The following TMCC2 variants were observed in gnomAD, a reference collection of about 807,000 sequenced individuals.
The protein encoded by TMCC2 is transmembrane and coiled-coil domain family 2.
A neutral mutation model predicts 49.4 loss-of-function variants in TMCC2; 16 were observed. The observed-to-expected ratio is 0.32, with a 90% CI of 0.22 to 0.49. The LOEUF is 0.49. TMCC2 is among the 20% of genes least tolerant of loss of function. The pLI is 0.99. For synonymous variants in TMCC2, 397 were observed against 434.1 expected (o/e 0.91, Z 1.06); for missense variants, 762 against 989.8 (o/e 0.77, Z 3.09).
At chr1:205,243,662 A>G (rs1660355512) in intron 2 of TMCC2, among the ~76,000 whole-genome samples, 1 of 152,186 alleles carries the variant, frequency 6.6e-6, no homozygotes, top group African/African-American at 2.4e-5. Flanking sequence ...GAATCACAGG[A>G]GAAGGAGCAT....
At chr1:205,247,555 C>T (rs1428542146) in intron 2 of TMCC2, among the ~76,000 whole-genome samples, 1 of 152,172 alleles carries the variant, frequency 6.6e-6, no homozygotes, top group Non-Finnish European at 1.5e-5. Context: ...GGTCTTCCAG[C>T]CATCGGTAAA....
At chr1:205,239,045 T>G (rs1334387518) in intron 1 of TMCC2, among the ~76,000 whole-genome samples, 1 of 151,812 alleles carries the variant, frequency 6.6e-6, no homozygotes, top group African/African-American at 2.4e-5. Context: ...TCCACCAGCC[T>G]CCCGGGGATA....
intron 2 of TMCC2, chr1:205,257,492 T>C: frequency 1.0e-6 from 1 of 999,084 alleles, no homozygotes; most frequent in Non-Finnish European, 1.3e-6. Context: ...CAGGGAGCTC[T>C]CCTCCAGGTA....
chr1:205,256,509 T>C, intron 2 of TMCC2: 4 of 1,289,374 alleles, frequency 3.1e-6, no homozygotes, highest in Non-Finnish European at 4.4e-6. Context: ...AAGTGGCCAT[T>C]GGTGTCCAGG....
In TMCC2 at chr1:205,264,497, T is replaced by G. The variant is rs1227908069; in HGVS notation, c.748-4453T>G. On this transcript the variant is annotated intron_variant, in intron 2 of 4. Transcript: ENST00000358024. The surrounding 1 kb of genome is among the most constrained non-coding windows in gnomAD (Gnocchi z 4.2). ...CCACACTCAGTTAATTTTGTTTTTT[T>G]TTTTTGGGACGGAGTCTCGCTCTGT... Among the ~76,000 whole-genome samples, 2 of 152,098 alleles carry G rather than the reference T, an allele frequency of 1.3e-5. No homozygotes were observed. Among genetic ancestry groups the G allele is most frequent in the African/African-American group, 2.4e-5 (1 of 41,476 alleles).
rs1425102195 is a variant in TMCC2, at chr1:205,269,322, A to G, written c.1120A>G (p.Lys374Glu). The part of the protein sequence containing the change: ...IEQNGPSRQP[K>E]DVLRDMQQGL... Reference sequence around the variant, plus strand: ...GCAGAACGGGCCCTCGCGGCAGCCCAAGGACGTGCTGCGGGACATGCAGCA... The same window carrying G: ...GCAGAACGGGCCCTCGCGGCAGCCCGAGGACGTGCTGCGGGACATGCAGCA... Residue 374 changes from lysine (K) to glutamate (E), a missense_variant, in exon 3 of 5, where the codon AAG becomes GAG. Physicochemically the swap from Lys to Glu is moderately conservative, Grantham distance 56. Transcript: ENST00000358024. 1 of 1,613,350 alleles carries G rather than the reference A, an allele frequency of 6.2e-7. No individual in the cohort carries two copies. The highest frequency in any genetic ancestry group is 8.5e-7 in the Non-Finnish European group (1 of 1,179,940).
chr1:205,272,056 C>G lies in TMCC2; in HGVS notation c.2062C>G (p.Leu688Val). ...ITSTTLLVLVLFLLWKHWDSL... is the reference protein window; with the variant it reads ...ITSTTLLVLVVFLLWKHWDSL... ...CAGCACCACCCTCCTGGTCCTCGTC[C>G]TGTTCCTCCTCTGGAAGCACTGGGA... The change falls in exon 5 of 5, where the codon CTG becomes GTG. Residue 688 changes from leucine (L) to valine (V), a missense_variant. This residue lies in a region of TMCC2 where 440 missense variants were observed against 636.7 expected (regional missense o/e 0.69). Coordinates refer to ENST00000358024, the MANE Select transcript of TMCC2 (RefSeq NM_014858.4). 1 of 1,614,224 alleles carries G rather than the reference C, an allele frequency of 6.2e-7. No homozygotes were observed. The highest frequency in any genetic ancestry group is 8.5e-7 in the Non-Finnish European group (1 of 1,180,036).
intron 1 of TMCC2, among the ~76,000 whole-genome samples, chr1:205,236,025 C>T (rs941468663): frequency 4.7e-5 from 7 of 147,610 alleles, no homozygotes; most frequent in Non-Finnish European, 8.9e-5. Flanking sequence ...ACGGAGATCA[C>T]GCCATTACAC....
At chr1:205,257,775 C>T (rs1267138268) in intron 2 of TMCC2, among the ~76,000 whole-genome samples, 1 of 152,152 alleles carries the variant, frequency 6.6e-6, no homozygotes. Context: ...CCCAGGGAGA[C>T]AGTGGGAGAG....
In TMCC2 at chr1:205,264,268, A is replaced by G. The variant is rs74411513; in HGVS notation, c.748-4682A>G. Among the ~76,000 whole-genome samples, 728 of 152,338 alleles carry G rather than the reference A, an allele frequency of 4.8e-3. 4 individuals are homozygous for G. Among genetic ancestry groups the G allele is most frequent in the African/African-American group, 0.017 (704 of 41,576 alleles). On this transcript the variant is annotated intron_variant, in intron 2 of 4. Transcript: ENST00000358024. This position sits in a 1 kb window ranked among gnomAD's most constrained non-coding sequence, Gnocchi z 4.2. Reference sequence around the variant, plus strand: ...TAGATTACGTACAATACCTAGTACAATGTAAATACTATGAAAATAGAAAAT... The same window carrying G: ...TAGATTACGTACAATACCTAGTACAGTGTAAATACTATGAAAATAGAAAAT...
rs750892466 is a variant in TMCC2, at chr1:205,271,265, G to A, written c.1818+10G>A. ...GGCACGGGACATCCAGGTATGGCCA[G>A]GGCAACCTTGGGAGGCCCCAGATGT... On this transcript the variant is annotated intron_variant, in intron 4 of 4. Coordinates refer to ENST00000358024, the MANE Select transcript of TMCC2 (RefSeq NM_014858.4). 4.3e-6 allele frequency: 7 copies of A among 1,613,912 alleles called. No homozygotes were observed. The highest frequency in any genetic ancestry group is 2.7e-5 in the African/African-American group (2 of 74,944).
chr1:205,256,278 C>T, intron 2 of TMCC2: 1 of 1,545,890 alleles, frequency 6.5e-7, no homozygotes, highest in Non-Finnish European at 8.7e-7. Flanking sequence ...CCAGCAGGCC[C>T]CAGGACTCAG....
chr1:205,267,459 C>A (rs1446629560), intron 2 of TMCC2, among the ~76,000 whole-genome samples: 1 of 152,068 alleles, frequency 6.6e-6, no homozygotes, highest in Non-Finnish European at 1.5e-5. Context: ...ATACTAAGGG[C>A]AAATGATCTG....
chr1:205,250,474 A>AAGAT (rs1660624665), intron 2 of TMCC2, among the ~76,000 whole-genome samples: 1 of 152,000 alleles, frequency 6.6e-6, no homozygotes, highest in Admixed American at 6.6e-5. Flanking sequence ...CTAGGAGGTG[A>AAGAT]AGATTGCAGT....
At chr1:205,252,739 T>C (rs1660714375) in intron 2 of TMCC2, among the ~76,000 whole-genome samples, 1 of 152,152 alleles carries the variant, frequency 6.6e-6, no homozygotes, top group South Asian at 2.1e-4. Context: ...AGCTACTTTT[T>C]AGCGTGGTTC....
chr1:205,229,875 C>G, intron 1 of TMCC2: 1 of 985,410 alleles, frequency 1.0e-6, no homozygotes, highest in Non-Finnish European at 1.2e-6. Context: ...ATAAATAATG[C>G]ACCTTTGCCG....
chr1:205,231,511 G>T (rs1007768477), intron 1 of TMCC2, among the ~76,000 whole-genome samples: 1 of 152,034 alleles, frequency 6.6e-6, no homozygotes, highest in Non-Finnish European at 1.5e-5. Flanking sequence ...TGCCTAGGCT[G>T]GTCTTGAACT....
At position 205,250,396 on chromosome 1, in the gene TMCC2, C is replaced by T. The variant is rs7556058; in HGVS notation, c.747+8352C>T. On this transcript the variant is annotated intron_variant, in intron 2 of 4. Coordinates refer to ENST00000358024, the MANE Select transcript of TMCC2 (RefSeq NM_014858.4). ...TCTCTACTAAAAATACAAAAACTAG[C>T]CGGGCGTGGTGGTGGGCGTCTGTAA... 2.3e-3 allele frequency among the ~76,000 whole-genome samples: 356 copies of T among 152,064 alleles called. 2 individuals are homozygous for T. Among genetic ancestry groups the T allele is most frequent in the African/African-American group, 8.0e-3 (330 of 41,456 alleles).
At position 205,228,202 on chromosome 1, in the gene TMCC2, C is replaced by G. The variant is rs1380058516; in HGVS notation, c.-363C>G. ...GCCGGCCGGGAGGGATGCGCTGTGCCGCCCAGCTCCTCTCCGTCCTGCCCA... is the reference window on the plus strand; with the variant it reads ...GCCGGCCGGGAGGGATGCGCTGTGCGGCCCAGCTCCTCTCCGTCCTGCCCA... On this transcript the variant is annotated 5_prime_UTR_variant, in exon 1 of 5. Transcript: ENST00000358024. 2.5e-5 allele frequency: 4 copies of G among 157,702 alleles called. No individual in the cohort carries two copies. Among genetic ancestry groups the G allele is most frequent in the Non-Finnish European group, 5.5e-5 (4 of 72,134 alleles). 9.8% of individuals were successfully genotyped at this position (157,702 alleles called of 1,614,324 possible). A position where few individuals can be genotyped will look rare whatever the true frequency, so the allele number is the denominator to read the frequency against.
Sources: gnomAD v4.1 joint callset for allele counts (sites outside exome capture counted in the v4.1 genomes callset) on GRCh38, gnomAD v4.1.1 for gene constraint, gnomAD v4.1.1 regional missense constraint, Gnocchi (gnomAD v3.1) non-coding constraint, MANE v1.5 for transcripts, NCBI Gene and HGNC (gene_info 2026-07-23, HGNC 2026-07-21) for gene names.